Variants in ADAMTS17 observed in about 807,000 individuals in gnomAD.
ADAMTS17 encodes A disintegrin and metalloproteinase with thrombospondin motifs 17.
Under a neutral mutation model 141.5 loss-of-function variants are expected in ADAMTS17, and 113 were observed. The observed-to-expected ratio is 0.80, with a 90% CI of 0.69 to 0.93. The LOEUF is 0.93. Ranked by LOEUF, ADAMTS17 falls within the 40% of genes least tolerant of loss-of-function variation. The pLI is 0.00. For missense variants in ADAMTS17, 1,659 were observed against 1,517.9 expected (o/e 1.09, Z -1.54); for synonymous variants, 768 against 630.6 (o/e 1.22, Z -3.27).
At chr15:100,178,163 T>C (rs1009977042) in intron 8 of ADAMTS17, among the ~76,000 whole-genome samples, 9 of 152,226 alleles carry the variant, frequency 5.9e-5, no homozygotes, top group African/African-American at 1.2e-4. Flanking sequence ...TTTTAGATCA[T>C]TGAAAGCAAT....
rs545512132 is a variant in ADAMTS17, at chr15:100,063,971, G to T, written c.2138-9917C>A. Among the ~76,000 whole-genome samples, 11 of 152,252 alleles carry T rather than the reference G, an allele frequency of 7.2e-5. 1 individual carries two copies. The South Asian group carries it at 1.5e-3, about 20-fold the overall frequency. ...ATTTGCACGTGTTTCAGGTTGAGTGGTGTCCCCCTCCTCCAAATTCGTATG... is the reference window on the plus strand; with the variant it reads ...ATTTGCACGTGTTTCAGGTTGAGTGTTGTCCCCCTCCTCCAAATTCGTATG... On this transcript the variant is annotated intron_variant, in intron 15 of 21. Coordinates refer to ENST00000268070, the MANE Select transcript of ADAMTS17 (RefSeq NM_139057.4).
At position 100,053,909 on chromosome 15, in the gene ADAMTS17, C is replaced by T. The variant is rs530478516; in HGVS notation, c.2283G>A (p.Pro761=). ...KISAKGPTKL[P]LHLMVLLFHD... Reference sequence around the variant, plus strand: ...CCCAGCAAGTTACCATCAAGTGCAGCGGTAGTTTGGTTGGTCCCTTGGCAG... The same window carrying T: ...CCCAGCAAGTTACCATCAAGTGCAGTGGTAGTTTGGTTGGTCCCTTGGCAG... The change falls in exon 16 of 22, where the codon CCG becomes CCA. Residue 761 remains proline, a synonymous_variant. Transcript: ENST00000268070. The T allele has an allele frequency of 1.2e-5, 20 of 1,614,068 alleles. No homozygotes were observed. The highest frequency in any genetic ancestry group is 8.0e-5 in the African/African-American group (6 of 74,902).
In ADAMTS17 at chr15:100,011,918, T is replaced by C. The variant is rs1016710740; in HGVS notation, c.2592-14329A>G. ...TGTGGGTACATACCCAGTGGTGGGA[T>C]TGCTGGGCCAAATGGTAGTTCTACT... On this transcript the variant is annotated intron_variant, in intron 18 of 21. Coordinates refer to ENST00000268070, the MANE Select transcript of ADAMTS17 (RefSeq NM_139057.4). Among the ~76,000 whole-genome samples, 8 of 152,360 alleles carry C rather than the reference T, an allele frequency of 5.3e-5. No homozygotes were observed. In the East Asian group the frequency reaches 7.7e-4, roughly 15 times the overall value.
intron 10 of ADAMTS17, among the ~76,000 whole-genome samples, chr15:100,148,392 G>T (rs1370234074): frequency 3.3e-5 from 5 of 151,974 alleles, no homozygotes; most frequent in East Asian, 1.9e-4. Flanking sequence ...TTCTGCAGAA[G>T]ATTTCCTTTA....
intron 8 of ADAMTS17, among the ~76,000 whole-genome samples, chr15:100,161,166 T>G (rs1223584984): frequency 6.6e-6 from 1 of 152,174 alleles, no homozygotes; most frequent in Admixed American, 6.5e-5. Flanking sequence ...CTGCTCTGTA[T>G]TTGTTTTGGG....
chr15:100,228,902 T>C (rs1260572368), intron 7 of ADAMTS17, among the ~76,000 whole-genome samples: 1 of 152,212 alleles, frequency 6.6e-6, no homozygotes, highest in Admixed American at 6.5e-5. Flanking sequence ...CACCTGCCTC[T>C]ACGAGGGGGC....
chr15:100,335,606 G>C (rs2046185076), intron 2 of ADAMTS17, among the ~76,000 whole-genome samples: 1 of 152,218 alleles, frequency 6.6e-6, no homozygotes, highest in Non-Finnish European at 1.5e-5. Context: ...TGCTCATTCA[G>C]GCAACAGCGA....
At chr15:100,090,304 CA>C (rs370809595) in intron 15 of ADAMTS17, among the ~76,000 whole-genome samples, 208 of 152,298 alleles carry the variant, frequency 1.4e-3, no homozygotes, top group African/African-American at 4.7e-3. Flanking sequence ...AACATACCTG[CA>C]AACAAGATCC....
intron 2 of ADAMTS17, 91 bp from the exon 3 acceptor site, chr15:100,331,145 T>G (rs1028525545): frequency 6.5e-7 from 1 of 1,527,774 alleles, no homozygotes; most frequent in Non-Finnish European, 8.9e-7. Flanking sequence ...ACCACCTTGC[T>G]GTGATTTGGT....
In ADAMTS17 at chr15:100,063,544, G is replaced by A. The variant is rs1283385713; in HGVS notation, c.2138-9490C>T. On this transcript the variant is annotated intron_variant, in intron 15 of 21. Transcript: ENST00000268070. ...TGACAGCACTGTGTGGTCCCCTCTG[G>A]GTGCTCATGTCATTACAACACAGGC... The A allele has an allele frequency of 6.0e-6, 4 of 663,770 alleles. No homozygotes were observed. In the African/African-American group the frequency reaches 7.4e-5, roughly 12 times the overall value. The allele number at this position is 663,770 out of a possible 1,614,324, so 41.1% of individuals were successfully genotyped here. A position where few individuals can be genotyped will look rare whatever the true frequency, so the allele number is the denominator to read the frequency against.
At position 100,070,291 on chromosome 15, in the gene ADAMTS17, T is replaced by G. The variant is rs1313677719; in HGVS notation, c.2138-16237A>C. 2.0e-5 allele frequency among the ~76,000 whole-genome samples: 3 copies of G among 149,942 alleles called. No individual in the cohort carries two copies. The East Asian group carries it at 5.8e-4, about 29-fold the overall frequency. On this transcript the variant is annotated intron_variant, in intron 15 of 21. Coordinates refer to ENST00000268070, the MANE Select transcript of ADAMTS17 (RefSeq NM_139057.4). ...GACTTAGACTCCCACACAATAATAA[T>G]GGGAGACTTTAACACCCCACTGTCA...
At position 100,073,246 on chromosome 15, in the gene ADAMTS17, TA is replaced by T. The variant is rs962744305; in HGVS notation, c.2138-19193del. On this transcript the variant is annotated intron_variant, in intron 15 of 21. Transcript: ENST00000268070. The stretch of plus-strand genomic sequence containing the variant: ...TCACACCAGTTAGAATGGCAATCAT[TA>T]AAAAGTCAGGAAACAACAGGTGCTG... 1.0e-3 allele frequency among the ~76,000 whole-genome samples: 155 copies of T among 152,222 alleles called. 2 individuals carry two copies. The highest frequency in any genetic ancestry group is 3.6e-3 in the African/African-American group (151 of 41,510).
intron 18 of ADAMTS17, among the ~76,000 whole-genome samples, chr15:100,001,067 C>G (rs779691621): frequency 5.9e-5 from 9 of 152,076 alleles, no homozygotes; most frequent in Non-Finnish European, 1.0e-4. Flanking sequence ...CCAGAAGGTG[C>G]TCTTGGATGG....
chr15:100,251,472 T>A (rs567542508), intron 7 of ADAMTS17, among the ~76,000 whole-genome samples: 2 of 152,218 alleles, frequency 1.3e-5, no homozygotes, highest in African/African-American at 4.8e-5. Flanking sequence ...ATGCCTGTAA[T>A]CCCAGCACTC....
At chr15:100,280,417 A>G (rs781440190) in intron 4 of ADAMTS17, among the ~76,000 whole-genome samples, 7 of 151,748 alleles carry the variant, frequency 4.6e-5, no homozygotes, top group African/African-American at 1.2e-4. Context: ...GCCAGCCCCA[A>G]TGCTCCACAA....
intron 15 of ADAMTS17, among the ~76,000 whole-genome samples, chr15:100,092,864 A>C (rs1360915520): frequency 6.6e-6 from 1 of 152,220 alleles, no homozygotes; most frequent in African/African-American, 2.4e-5. Flanking sequence ...CTGGCTGTCC[A>C]TGGGCTGGTC....
chr15:100,003,102 C>T (rs2060962176), intron 18 of ADAMTS17, among the ~76,000 whole-genome samples: 1 of 152,060 alleles, frequency 6.6e-6, no homozygotes, highest in Non-Finnish European at 1.5e-5. Flanking sequence ...AAAACAAGCT[C>T]CACCTGCCGA....
intron 8 of ADAMTS17, among the ~76,000 whole-genome samples, chr15:100,160,275 A>T (rs2039630651): frequency 6.6e-6 from 1 of 152,206 alleles, no homozygotes; most frequent in African/African-American, 2.4e-5. Context: ...CCTGGGGCAC[A>T]AGTCGATGGA....
At chr15:100,120,876 C>A (rs992572372) in intron 12 of ADAMTS17, among the ~76,000 whole-genome samples, 8 of 152,194 alleles carry the variant, frequency 5.3e-5, no homozygotes, top group Non-Finnish European at 1.2e-4. Context: ...ATTGGCGGAG[C>A]CTGTCCCTGA....
Sources: allele counts gnomAD v4.1 joint callset (sites outside exome capture counted in the v4.1 genomes callset), GRCh38; gene constraint gnomAD v4.1.1; transcripts MANE v1.5; gene names NCBI Gene and HGNC (gene_info 2026-07-23, HGNC 2026-07-21).